Variants in DPP6 observed in about 807,000 individuals in gnomAD.
DPP6 encodes dipeptidyl peptidase like 6.
Under a neutral mutation model 122.6 loss-of-function variants are expected in DPP6, and 69 were observed. That is an observed-to-expected ratio of 0.56 (90% CI 0.46 to 0.69). The LOEUF (loss-of-function observed/expected upper bound fraction) is 0.69, where lower values mean the gene tolerates loss of function less well. DPP6 is among the 30% of genes least tolerant of loss of function. DPP6 has a pLI of 0.00. For missense variants in DPP6, 928 were observed against 1,116.9 expected, an observed-to-expected ratio of 0.83 and a Z score of 2.41; for synonymous variants, 418 against 433.1, an observed-to-expected ratio of 0.97 and a Z score of 0.43.
At chr7:153,949,952 A>C (rs1802130089) in intron 1 of DPP6, among the ~76,000 whole-genome samples, 1 of 152,248 alleles carries the variant, frequency 6.6e-6, no homozygotes, top group African/African-American at 2.4e-5. Flanking sequence ...TTAGAGGCCA[A>C]GCTGGATTAA....
chr7:153,815,213 T>C, the DPP6 span, among the ~76,000 whole-genome samples: 2 of 152,178 alleles, frequency 1.3e-5, no homozygotes, highest in Non-Finnish European at 2.9e-5. Flanking sequence ...GAAAACCCCA[T>C]TGTTTCAGCC....
At chr7:154,565,272 C>T (rs1478714063) in intron 4 of DPP6, among the ~76,000 whole-genome samples, 1 of 152,190 alleles carries the variant, frequency 6.6e-6, no homozygotes, top group Non-Finnish European at 1.5e-5. Context: ...GGTTCAGTAT[C>T]CACTAGTTGC....
chr7:154,200,807 G>A (rs1799131832), intron 1 of DPP6, among the ~76,000 whole-genome samples: 3 of 152,140 alleles, frequency 2.0e-5, no homozygotes, highest in Admixed American at 2.0e-4. Flanking sequence ...TAGAAAGTTA[G>A]CCCCGCCTGG....
In DPP6 at chr7:154,241,525, A is replaced by G. The variant is rs1801616992; in HGVS notation, c.243+188462A>G. Among the ~76,000 whole-genome samples the G allele has an allele frequency of 6.6e-6, 1 of 152,092 alleles. No individual in the cohort carries two copies. Among genetic ancestry groups the G allele is most frequent in the South Asian group, 2.1e-4 (1 of 4,816 alleles). Reference sequence around the variant, plus strand: ...CAGTGAGTTGTGGTCACTCCACTGCACTGCAGCCTGAGTAACAAAGTGAGA... The same window carrying G: ...CAGTGAGTTGTGGTCACTCCACTGCGCTGCAGCCTGAGTAACAAAGTGAGA... On this transcript the variant is annotated intron_variant, in intron 1 of 25. Coordinates refer to ENST00000377770, the MANE Select transcript of DPP6 (RefSeq NM_130797.4). The surrounding 1 kb of genome is among the most constrained non-coding windows in gnomAD (Gnocchi z 9.0).
At chr7:154,020,291 G>A (rs546503368) in intron 1 of DPP6, among the ~76,000 whole-genome samples, 2,091 of 151,600 alleles carry the variant, frequency 0.014, 35 homozygotes, top group African/African-American at 0.049. Context: ...ACTGTGGGAT[G>A]TGGTGCAGGG....
At chr7:154,107,809 C>A (rs1194411978) in intron 1 of DPP6, among the ~76,000 whole-genome samples, 1 of 152,134 alleles carries the variant, frequency 6.6e-6, no homozygotes, top group Non-Finnish European at 1.5e-5. Flanking sequence ...TGAGGGGTTG[C>A]TCCCTACTCT....
At chr7:153,950,518 A>C (rs931438462) in intron 1 of DPP6, among the ~76,000 whole-genome samples, 4 of 152,180 alleles carry the variant, frequency 2.6e-5, no homozygotes, top group African/African-American at 9.7e-5. Context: ...CAGGTGGAGA[A>C]GAGACTGGTG....
chr7:154,154,784 T>TACACACACACATGCATGC (rs2150693861), intron 1 of DPP6, among the ~76,000 whole-genome samples: 1 of 152,330 alleles, frequency 6.6e-6, no homozygotes, highest in Admixed American at 6.5e-5. Context: ...TACATGCATG[T>TACACACACACATGCATGC]ACACACACAC....
At chr7:154,589,847 G>C (rs577687006) in intron 5 of DPP6, among the ~76,000 whole-genome samples, 5 of 152,148 alleles carry the variant, frequency 3.3e-5, no homozygotes, top group Non-Finnish European at 5.9e-5. Flanking sequence ...TCCGGACTTC[G>C]TAACAGCATG....
intron 1 of DPP6, among the ~76,000 whole-genome samples, chr7:154,151,693 C>T (rs750659673): frequency 6.6e-5 from 10 of 151,928 alleles, no homozygotes; most frequent in South Asian, 2.1e-4. Context: ...AGATGGCATT[C>T]GACTGCAGCT....
chr7:154,666,204 C>CGT (rs1838151430), intron 6 of DPP6, among the ~76,000 whole-genome samples: 1 of 76,552 alleles, frequency 1.3e-5, no homozygotes. Context: ...TATATATACA[C>CGT]ATATACATAC....
intron 1 of DPP6, chr7:153,887,742 C>T: frequency 6.2e-7 from 1 of 1,612,978 alleles, no homozygotes. Flanking sequence ...ATGGTGAGTG[C>T]CACGGACAGG....
Position 154,780,850 on chromosome 7 carries a change from G to A in DPP6, c.1136+7908G>A, listed in dbSNP as rs138310135. Among the ~76,000 whole-genome samples the A allele has an allele frequency of 1.6e-4, 24 of 152,312 alleles. No individual in the cohort carries two copies. The East Asian group carries it at 4.1e-3, about 26-fold the overall frequency. On this transcript the variant is annotated intron_variant, in intron 10 of 25. Transcript: ENST00000377770. ...GTGGGTAGGTGGGTGATGAATAGAT[G>A]GATGGGTGATGGTTGGGTGGGTGGA...
At chr7:154,575,612 TGTG>T in intron 5 of DPP6, among the ~76,000 whole-genome samples, 1 of 109,556 alleles carries the variant, frequency 9.1e-6, no homozygotes, top group African/African-American at 3.8e-5. Flanking sequence ...GGTGTGTGTA[TGTG>T]TGTGTGGTGT....
At chr7:154,285,983 TC>T (rs1308878099) in intron 1 of DPP6, among the ~76,000 whole-genome samples, 1 of 152,262 alleles carries the variant, frequency 6.6e-6, no homozygotes, top group Non-Finnish European at 1.5e-5. Context: ...CCATTTGTCA[TC>T]CATTTTTCCC....
chr7:154,233,046 T>A (rs1404047863), intron 1 of DPP6, among the ~76,000 whole-genome samples: 1 of 152,238 alleles, frequency 6.6e-6, no homozygotes, highest in Non-Finnish European at 1.5e-5. Flanking sequence ...GAATCATGCT[T>A]AAAATTATTT....
intron 2 of DPP6, among the ~76,000 whole-genome samples, chr7:154,452,685 G>T (rs1272508513): frequency 6.6e-6 from 1 of 152,166 alleles, no homozygotes; most frequent in Non-Finnish European, 1.5e-5. Context: ...GTACCCAGGG[G>T]CCCCTTGCCA....
intron 1 of DPP6, among the ~76,000 whole-genome samples, chr7:154,231,207 T>C (rs1005933584): frequency 1.3e-5 from 2 of 152,210 alleles, no homozygotes; most frequent in Non-Finnish European, 2.9e-5. Flanking sequence ...CCCTGTCTCG[T>C]ATCTTGGAAA....
intron 1 of DPP6, among the ~76,000 whole-genome samples, chr7:154,291,623 C>G (rs1253822598): frequency 2.6e-5 from 4 of 152,212 alleles, no homozygotes; most frequent in Non-Finnish European, 5.9e-5. Context: ...TAGCCACTAA[C>G]AGACTCCTGA....
Sources: allele counts gnomAD v4.1 joint callset (sites outside exome capture counted in the v4.1 genomes callset), GRCh38; gene constraint gnomAD v4.1.1; non-coding constraint Gnocchi (gnomAD v3.1); transcripts MANE v1.5; gene names NCBI Gene and HGNC (gene_info 2026-07-23, HGNC 2026-07-21).